The following PFKP variants were observed in gnomAD, a reference collection of about 807,000 sequenced individuals.
PFKP encodes the protein phosphofructokinase, platelet, also known as ATP-dependent 6-phosphofructokinase, platelet type.
In PFKP, 101 loss-of-function variants were observed where a neutral mutation model predicts 94.3. The observed-to-expected ratio is 1.07, with a 90% CI of 0.91 to 1.26. The LOEUF is 1.26. PFKP is among the 50% of genes most tolerant of loss of function. The pLI, the probability that PFKP is intolerant of heterozygous loss-of-function variation, is 0.00. For missense variants in PFKP, 1,145 were observed against 1,103.3 expected, an observed-to-expected ratio of 1.04 and a Z score of -0.53; for synonymous variants, 573 against 432.6, an observed-to-expected ratio of 1.32 and a Z score of -4.03.
intron 16 of PFKP, among the ~76,000 whole-genome samples, chr10:3,126,106 TGGAGACTCCTTAGTTCAGCTTA>T (rs1049031817): frequency 1.2e-4 from 18 of 152,164 alleles, no homozygotes; most frequent in Non-Finnish European, 2.4e-4. Context: ...CCAGTCCTGC[TGGAGACTCCTTAGTTCAGCTTA>T]GCACAGAACC....
At chr10:3,112,173 G>A in intron 10 of PFKP, 49 bp from the exon 11 acceptor site, 1 of 1,463,862 alleles carries the variant, frequency 6.8e-7, no homozygotes. Flanking sequence ...CATCCATGAT[G>A]CACCAGGTCC....
intron 1 of PFKP, among the ~76,000 whole-genome samples, chr10:3,075,902 C>G (rs1429435058): frequency 4.6e-5 from 5 of 109,342 alleles, no homozygotes; most frequent in African/African-American, 1.7e-4. Flanking sequence ...GAGACCCTAT[C>G]GCAAAAAAAA....
intron 17 of PFKP, among the ~76,000 whole-genome samples, chr10:3,131,199 C>T (rs1838547188): frequency 6.6e-6 from 1 of 152,040 alleles, no homozygotes; most frequent in South Asian, 2.1e-4. Context: ...TACACAATTG[C>T]CTGCAGTATT....
chr10:3,119,956 T>A lies in PFKP; in HGVS notation c.1595T>A (p.Met532Lys). 5.0e-6 allele frequency: 8 copies of A among 1,614,108 alleles called. No homozygotes were observed. The highest frequency in any genetic ancestry group is 6.8e-6 in the Non-Finnish European group (8 of 1,179,982). ...AAGCACGAGGAGTTCTGTGTCCCCA[T>A]GGTCATGGTTCCCGCTACTGTGTCC... Reference protein sequence around the residue: ...REKHEEFCVPMVMVPATVSNN... With the variant: ...REKHEEFCVPKVMVPATVSNN... The change falls in exon 16 of 22, where the codon ATG (methionine) becomes AAG (lysine). Residue 532 changes from methionine (M) to lysine (K), a missense_variant. By Grantham distance (95) the Met-to-Lys change is moderately conservative. Coordinates refer to ENST00000381125, the MANE Select transcript of PFKP (RefSeq NM_002627.5).
chr10:3,091,253 A>G (rs1588435341), intron 2 of PFKP, among the ~76,000 whole-genome samples: 2 of 152,184 alleles, frequency 1.3e-5, no homozygotes, highest in South Asian at 2.1e-4. Context: ...AAGCCTACAA[A>G]TGGCTTTAGC....
At position 3,109,408 on chromosome 10, in the gene PFKP, C is replaced by T. The variant is rs770140046; in HGVS notation, c.1017C>T (p.Asp339=). The stretch of plus-strand genomic sequence containing the variant: ...TCGCCTTGCTAGAGGCCACCCCGGA[C>T]ACCCCAGCTTGCGTCGTGTCACTGA... ...AVIALLEATP[D]TPACVVSLNG... Residue 339 remains aspartate, a synonymous_variant, in exon 10 of 22, where the codon GAC becomes GAT. Coordinates refer to ENST00000381125, the MANE Select transcript of PFKP (RefSeq NM_002627.5). 55 of 1,610,374 alleles carry T rather than the reference C, an allele frequency of 3.4e-5. No individual in the cohort carries two copies. The South Asian group carries it at 3.6e-4, about 11-fold the overall frequency.
chr10:3,076,902 G>C (rs1832639702), intron 1 of PFKP, among the ~76,000 whole-genome samples: 1 of 152,152 alleles, frequency 6.6e-6, no homozygotes, highest in South Asian at 2.1e-4. Context: ...GGAGGGAACA[G>C]CACCTTGACA....
chr10:3,100,869 A>AAAAAAAAAAAAAAC, intron 3 of PFKP: 1 of 1,016,844 alleles, frequency 9.8e-7, no homozygotes, highest in African/African-American at 1.9e-5. Flanking sequence ...GTGCAAAAAA[A>AAAAAAAAAAAAAAC]AAAAAAAAAA....
At chr10:3,107,095 C>A in intron 7 of PFKP, 119 bp from the exon 8 acceptor site, 1 of 651,856 alleles carries the variant, frequency 1.5e-6, no homozygotes, top group Non-Finnish European at 2.8e-6. Context: ...GGAAGTTAGG[C>A]AAAGATTCCT....
intron 1 of PFKP, among the ~76,000 whole-genome samples, chr10:3,071,040 T>C (rs78882784): frequency 0.039 from 5,899 of 152,088 alleles, 180 homozygotes; most frequent in Non-Finnish European, 0.056. Context: ...CATGAGCCAT[T>C]GTGTCAGGCC....
chr10:3,108,121 C>A, intron 8 of PFKP: 1 of 834,694 alleles, frequency 1.2e-6, no homozygotes, highest in Non-Finnish European at 1.7e-6. Flanking sequence ...ATTTTATTTC[C>A]CGCTTAACTG....
At chr10:3,069,255 A>C in intron 1 of PFKP, 1 of 1,462,620 alleles carries the variant, frequency 6.8e-7, no homozygotes, top group Non-Finnish European at 9.2e-7. Context: ...GGACCCCAGC[A>C]TCAACGTTCT....
chr10:3,136,659 A>AT lies in PFKP; in HGVS notation c.*81dup, dbSNP rs1839407192. ...ACTTAAGTTATTTTATCAGCACTTT[A>AT]TGCACGTATTATTGACATTAATACC... On this transcript the variant is annotated 3_prime_UTR_variant, in exon 22 of 22. Transcript: ENST00000381125. 6.7e-7 allele frequency: 1 copy of AT among 1,484,582 alleles called. No homozygotes were observed. Among genetic ancestry groups the AT allele is most frequent in the Non-Finnish European group, 9.3e-7 (1 of 1,080,660 alleles). The allele number at this position is 1,484,582 out of a possible 1,614,324, so 92.0% of individuals were successfully genotyped here.
At chr10:3,094,360 T>G (rs1834314464) in intron 2 of PFKP, among the ~76,000 whole-genome samples, 1 of 152,254 alleles carries the variant, frequency 6.6e-6, no homozygotes, top group African/African-American at 2.4e-5. Context: ...AAGAAGCAAG[T>G]GCAGGACCAC....
chr10:3,128,061 C>T (rs1220305166), intron 16 of PFKP, among the ~76,000 whole-genome samples: 1 of 152,132 alleles, frequency 6.6e-6, no homozygotes, highest in Admixed American at 6.5e-5. Context: ...CCCATGGAGG[C>T]CCATTAGGGA....
intron 4 of PFKP, among the ~76,000 whole-genome samples, chr10:3,102,004 C>T (rs1463079855): frequency 6.6e-6 from 1 of 152,050 alleles, no homozygotes; most frequent in Non-Finnish European, 1.5e-5. Context: ...GTAATCCCAG[C>T]ACTTTGGGAG....
Position 3,129,882 on chromosome 10 carries a change from A to G in PFKP, c.1747A>G (p.Met583Val). 8 of 1,613,620 alleles carry G rather than the reference A, an allele frequency of 5.0e-6. No homozygotes were observed. The highest frequency in any genetic ancestry group is 6.8e-6 in the Non-Finnish European group (8 of 1,179,944). ...GCGGCGCGTGTTCATCATCGAGACC[A>G]TGGGCGGCTACTGTGGCTACCTGGC... ...TKRRVFIIETMGGYCGYLANM... is the reference protein window; with the variant it reads ...TKRRVFIIETVGGYCGYLANM... The change falls in exon 17 of 22, where the codon ATG becomes GTG. Residue 583 changes from methionine (M) to valine (V), a missense_variant. Transcript: ENST00000381125.
chr10:3,116,609 C>G (rs989280251), intron 13 of PFKP, among the ~76,000 whole-genome samples, 167 bp from the exon 14 acceptor site: 8 of 152,196 alleles, frequency 5.3e-5, no homozygotes, highest in Non-Finnish European at 1.2e-4. Context: ...TGGACTTCTG[C>G]TTCTCACCTT....
chr10:3,118,580 T>C (rs12777199), intron 14 of PFKP, among the ~76,000 whole-genome samples: 12,618 of 152,366 alleles, frequency 0.083, 683 homozygotes, highest in Non-Finnish European at 0.13. Flanking sequence ...CATTTTCTCA[T>C]GAAAACACTG....
Sources: allele counts gnomAD v4.1 joint callset (sites outside exome capture counted in the v4.1 genomes callset), GRCh38; gene constraint gnomAD v4.1.1; transcripts MANE v1.5; gene names NCBI Gene and HGNC (gene_info 2026-07-23, HGNC 2026-07-21).